HIVEP3: variants seen among roughly 807,000 people sequenced by gnomAD.
The protein encoded by HIVEP3 is transcription factor HIVEP3.
A neutral mutation model predicts 152.8 loss-of-function variants in HIVEP3; 49 were observed. That is an observed-to-expected ratio of 0.32 (90% CI 0.26 to 0.41). HIVEP3 has a LOEUF of 0.41. HIVEP3 is among the 10% of genes least tolerant of loss of function. The pLI, the probability that HIVEP3 is intolerant of heterozygous loss-of-function variation, is 1.00. For synonymous variants in HIVEP3, 1,269 were observed against 1,289.0 expected (o/e 0.98, Z 0.33); for missense variants, 2,790 against 3,103.3 (o/e 0.90, Z 2.40).
rs1466106045 is a variant in HIVEP3 at position 41,511,479 on chromosome 1, G to A, written c.6406-213C>T. On this transcript the variant is annotated intron_variant, in intron 8 of 8. Transcript: ENST00000372583. The surrounding 1 kb of genome is among the most constrained non-coding windows in gnomAD (Gnocchi z 4.9). The stretch of plus-strand genomic sequence containing the variant: ...AATGGGCCATCTCCAGCTCGACAGT[G>A]ACCATGAGTATGCTCAGGCCCCATG... Among the ~76,000 whole-genome samples, 2 of 152,168 alleles carry A rather than the reference G, an allele frequency of 1.3e-5. No individual in the cohort carries two copies. Among genetic ancestry groups the A allele is most frequent in the African/African-American group, 4.8e-5 (2 of 41,434 alleles).
intron 1 of HIVEP3, among the ~76,000 whole-genome samples, chr1:41,908,977 T>C (rs947891469): frequency 2.1e-4 from 32 of 152,150 alleles, no homozygotes; most frequent in African/African-American, 7.7e-4. Flanking sequence ...TATACCTAGA[T>C]ACGCTTTGTG....
chr1:41,654,935 T>C (rs1453785652), intron 2 of HIVEP3, among the ~76,000 whole-genome samples: 4 of 152,192 alleles, frequency 2.6e-5, no homozygotes, highest in East Asian at 1.9e-4. Context: ...GTTCCTCAAC[T>C]GCGGTCTGGA....
At chr1:41,868,926 A>T (rs1047037142) in intron 1 of HIVEP3, among the ~76,000 whole-genome samples, 5 of 152,244 alleles carry the variant, frequency 3.3e-5, no homozygotes, top group African/African-American at 1.2e-4. Flanking sequence ...TTGCTCAATA[A>T]ATAGGAATTT....
At chr1:41,536,231 A>G (rs1643397369) in intron 5 of HIVEP3, among the ~76,000 whole-genome samples, 1 of 152,110 alleles carries the variant, frequency 6.6e-6, no homozygotes, top group African/African-American at 2.4e-5. Context: ...TAGAGACCAG[A>G]TGAATAGGCT....
chr1:41,907,824 T>C (rs1644738452), intron 1 of HIVEP3, among the ~76,000 whole-genome samples: 1 of 152,132 alleles, frequency 6.6e-6, no homozygotes, highest in South Asian at 2.1e-4. Flanking sequence ...GGAAGTTGAG[T>C]TCAGCCAAGC....
Position 41,512,976 on chromosome 1 carries a change from C to T in HIVEP3, c.6245G>A (p.Arg2082Gln), listed in dbSNP as rs112097098. ...GGCCCACTTCCCTGGCGGCGCTGAC[C>T]GTGGTGGTGACTCGGCCTGACCTGG... ...WSPGQAESPP[R>Q]SAPPGKWALA... The change falls in exon 8 of 9, where the codon CGG becomes CAG. Residue 2082 changes from arginine to glutamine, a missense_variant. Coordinates refer to ENST00000372583, the MANE Select transcript of HIVEP3 (RefSeq NM_024503.5). 613 of 1,612,876 alleles carry T rather than the reference C, an allele frequency of 3.8e-4. No homozygotes were observed. The highest frequency in any genetic ancestry group is 1.2e-3 in the African/African-American group (92 of 75,054).
chr1:41,913,264 T>C (rs1014341166), intron 1 of HIVEP3, among the ~76,000 whole-genome samples: 8 of 152,250 alleles, frequency 5.3e-5, no homozygotes, highest in Admixed American at 2.6e-4. Context: ...ATTTGCAAAC[T>C]TGGGGATTTG....
intron 1 of HIVEP3, among the ~76,000 whole-genome samples, chr1:41,953,981 C>G (rs1037916084): frequency 6.6e-6 from 1 of 152,178 alleles, no homozygotes; most frequent in African/African-American, 2.4e-5. Context: ...GTATTCCATT[C>G]TGGCCTTTGG....
At chr1:41,852,998 C>T (rs1045084468) in intron 1 of HIVEP3, among the ~76,000 whole-genome samples, 7 of 152,162 alleles carry the variant, frequency 4.6e-5, no homozygotes, top group Admixed American at 2.0e-4. Flanking sequence ...AGAGACTTCA[C>T]GTCCCCACCA....
chr1:41,771,738 G>A (rs901514741), intron 1 of HIVEP3, among the ~76,000 whole-genome samples: 1 of 152,058 alleles, frequency 6.6e-6, no homozygotes, highest in Non-Finnish European at 1.5e-5. Flanking sequence ...GTGTAATCTT[G>A]GCTCACTGCA....
At position 41,584,619 on chromosome 1, in the gene HIVEP3, G is replaced by A. The variant is rs781418084; in HGVS notation, c.179C>T (p.Pro60Leu). 117 of 1,609,866 alleles carry A rather than the reference G, an allele frequency of 7.3e-5. No individual in the cohort carries two copies. The highest frequency in any genetic ancestry group is 9.4e-5 in the African/African-American group (7 of 74,816). Residue 60 changes from proline to leucine, a missense_variant, in exon 4 of 9, where the codon CCG becomes CTG. Around this residue, in one of 9 missense-constraint regions of HIVEP3, gnomAD observed 209 missense variants for 237.0 expected, o/e 0.88. Transcript: ENST00000372583. This position sits in a 1 kb window ranked among gnomAD's most constrained non-coding sequence, Gnocchi z 5.2. ...AQELLAPQPFPGPSSVLREGS... is the reference protein window; with the variant it reads ...AQELLAPQPFLGPSSVLREGS... ...TTCCCTAAGAACTGATGAGGGGCCC[G>A]GGAAGGGCTGCGGGGCTAAGAGCTC...
intron 1 of HIVEP3, among the ~76,000 whole-genome samples, chr1:42,017,290 G>C (rs1645528784): frequency 6.6e-6 from 1 of 151,978 alleles, no homozygotes; most frequent in Non-Finnish European, 1.5e-5. Context: ...TTGAAGTAAG[G>C]ATCCAGGTTT....
At chr1:41,966,673 G>C (rs1434599207) in intron 1 of HIVEP3, among the ~76,000 whole-genome samples, 2 of 150,910 alleles carry the variant, frequency 1.3e-5, no homozygotes, top group Non-Finnish European at 1.5e-5. Flanking sequence ...AGTAGAGACG[G>C]GGTTTCACCA....
At chr1:41,860,462 C>T (rs542904168) in intron 1 of HIVEP3, among the ~76,000 whole-genome samples, 32 of 152,292 alleles carry the variant, frequency 2.1e-4, no homozygotes, top group African/African-American at 7.2e-4. Flanking sequence ...CCTCCTAACC[C>T]CACTCCCCTA....
intron 3 of HIVEP3, among the ~76,000 whole-genome samples, chr1:41,586,867 G>A (rs1644513350): frequency 6.6e-6 from 1 of 151,972 alleles, no homozygotes; most frequent in Non-Finnish European, 1.5e-5. Context: ...ATTTATAGAA[G>A]AATGACAAAC....
intron 5 of HIVEP3, among the ~76,000 whole-genome samples, chr1:41,531,469 G>A (rs1643251665): frequency 7.4e-6 from 1 of 135,136 alleles, no homozygotes; most frequent in Non-Finnish European, 1.6e-5. Context: ...GAGAGATAGA[G>A]GACAGGGGAG....
In HIVEP3 at chr1:41,834,104, G is replaced by C. The variant is rs191009107; in HGVS notation, c.-801+84309C>G. On this transcript the variant is annotated intron_variant, in intron 1 of 8. Coordinates refer to ENST00000372583, the MANE Select transcript of HIVEP3 (RefSeq NM_024503.5). ...AGGGCCTCCTGAGACCAGTGAGCCC[G>C]GCTCCCTCTGGGCCTGGGGCTGGGT... Among the ~76,000 whole-genome samples, 316 of 152,234 alleles carry C rather than the reference G, an allele frequency of 2.1e-3. 5 individuals are homozygous for C. Among genetic ancestry groups the C allele is most frequent in the Admixed American group, 0.01 (160 of 15,288 alleles).
chr1:41,629,200 C>T (rs72953384), intron 2 of HIVEP3, among the ~76,000 whole-genome samples: 1,926 of 152,224 alleles, frequency 0.013, 36 homozygotes, highest in African/African-American at 0.044. Context: ...TCCCCTGGTG[C>T]ACAGACCCTG....
chr1:41,753,537 A>G (rs2083465), intron 1 of HIVEP3, among the ~76,000 whole-genome samples: 127,974 of 151,924 alleles, frequency 0.84, 57,368 homozygotes, highest in Non-Finnish European at 1. Context: ...GTGTGGTGGC[A>G]TGTGCCTGTA....
Sources: gnomAD v4.1 joint callset for allele counts (sites outside exome capture counted in the v4.1 genomes callset) on GRCh38, gnomAD v4.1.1 for gene constraint, gnomAD v4.1.1 regional missense constraint, Gnocchi (gnomAD v3.1) non-coding constraint, MANE v1.5 for transcripts, NCBI Gene and HGNC (gene_info 2026-07-23, HGNC 2026-07-21) for gene names.